Variants in NELL1 observed in about 807,000 individuals in gnomAD.
The protein encoded by NELL1 is protein kinase C-binding protein NELL1.
Under a neutral mutation model 107.4 loss-of-function variants are expected in NELL1, and 76 were observed. That is an observed-to-expected ratio of 0.71 (90% confidence interval 0.59 to 0.86). The LOEUF is 0.86. NELL1 is among the 40% of genes least tolerant of loss of function. The pLI is 0.00. For synonymous variants in NELL1, 353 were observed against 341.2 expected, an observed-to-expected ratio of 1.03 and a Z score of -0.38; for missense variants, 1,024 against 1,005.5, an observed-to-expected ratio of 1.02 and a Z score of -0.25.
chr11:20,925,801 C>A (rs942891193), intron 7 of NELL1, among the ~76,000 whole-genome samples: 3 of 151,990 alleles, frequency 2.0e-5, no homozygotes, highest in Non-Finnish European at 2.9e-5. Context: ...TGAGAAATTC[C>A]AAAAGCTTGG....
chr11:21,490,392 C>A (rs1854769931), intron 15 of NELL1, among the ~76,000 whole-genome samples: 2 of 149,420 alleles, frequency 1.3e-5, no homozygotes, highest in Non-Finnish European at 3.0e-5. Flanking sequence ...CAATTCAATC[C>A]CTATCGAAAT....
chr11:20,866,225 T>G (rs1849093620), intron 4 of NELL1, among the ~76,000 whole-genome samples: 1 of 152,172 alleles, frequency 6.6e-6, no homozygotes, highest in African/African-American at 2.4e-5. Flanking sequence ...CAGATGGGAC[T>G]CTGCATCCTC....
intron 9 of NELL1, 30 bp from the exon 10 acceptor site, chr11:20,937,756 T>C (rs373855331): frequency 5.1e-6 from 8 of 1,573,072 alleles, no homozygotes; most frequent in Non-Finnish European, 6.1e-6. Context: ...ACAGCAGGAC[T>C]GTCTGACCCA....
At chr11:20,751,041 T>G (rs190312383) in intron 2 of NELL1, among the ~76,000 whole-genome samples, 5,132 of 150,226 alleles carry the variant, frequency 0.034, 284 homozygotes, top group African/African-American at 0.12. Context: ...GTGTGTGTGT[T>G]TGTGTGTGTG....
chr11:21,472,008 A>G (rs1013742059), intron 15 of NELL1, among the ~76,000 whole-genome samples: 8 of 152,072 alleles, frequency 5.3e-5, no homozygotes, highest in African/African-American at 1.9e-4. Flanking sequence ...TCTGAAGATC[A>G]TGAAGTTCAA....
At chr11:20,888,425 T>C (rs1025595052) in intron 5 of NELL1, among the ~76,000 whole-genome samples, 2 of 150,690 alleles carry the variant, frequency 1.3e-5, no homozygotes, top group Admixed American at 6.6e-5. Context: ...TAGATATGTA[T>C]ATTATTATAA....
intron 15 of NELL1, among the ~76,000 whole-genome samples, chr11:21,451,528 G>A (rs1229758861): frequency 6.6e-6 from 1 of 152,122 alleles, no homozygotes; most frequent in African/African-American, 2.4e-5. Flanking sequence ...TTCTTCTGAG[G>A]CTGCATTCAA....
intron 2 of NELL1, among the ~76,000 whole-genome samples, chr11:20,774,513 A>T (rs1040557653): frequency 2.1e-5 from 3 of 146,128 alleles, no homozygotes; most frequent in Admixed American, 7.3e-5. Flanking sequence ...TTACAGGCAT[A>T]TGCTACCATG....
chr11:21,123,334 CGTGTGTGTGT>C (rs142012176), intron 13 of NELL1, among the ~76,000 whole-genome samples: 37 of 132,482 alleles, frequency 2.8e-4, no homozygotes, highest in African/African-American at 4.8e-4. Flanking sequence ...TGTGTGCCTG[CGTGTGTGTGT>C]GTGTGTGTGT....
At chr11:21,332,601 A>C (rs1301358747) in intron 14 of NELL1, among the ~76,000 whole-genome samples, 6 of 151,986 alleles carry the variant, frequency 3.9e-5, no homozygotes, top group African/African-American at 9.7e-5. Flanking sequence ...CTAAATCTTC[A>C]TGGGAAGAAG....
At chr11:21,570,655 A>C in intron 17 of NELL1, 109 bp from the exon 18 acceptor site, 1 of 923,616 alleles carries the variant, frequency 1.1e-6, no homozygotes, top group Non-Finnish European at 1.6e-6. Flanking sequence ...TTTGAACAGA[A>C]TGAGAGGTGG....
At chr11:21,114,506 A>G (rs1855185647) in intron 13 of NELL1, among the ~76,000 whole-genome samples, 1 of 152,028 alleles carries the variant, frequency 6.6e-6, no homozygotes, top group African/African-American at 2.4e-5. Context: ...ACGTTGGTAT[A>G]TAAAAAGTGG....
intron 2 of NELL1, among the ~76,000 whole-genome samples, chr11:20,687,164 G>A (rs1854327236): frequency 6.6e-6 from 1 of 150,968 alleles, no homozygotes; most frequent in Admixed American, 6.6e-5. Context: ...CTAAAAGAAG[G>A]CCTCTCGTAA....
intron 13 of NELL1, among the ~76,000 whole-genome samples, chr11:21,170,686 AG>A (rs61261269): frequency 0.36 from 52,219 of 144,762 alleles, 9,621 homozygotes; most frequent in Middle Eastern, 0.41. Flanking sequence ...TATATACTGT[AG>A]TTTATATATA....
At chr11:21,048,059 C>T (rs1853400055) in intron 12 of NELL1, among the ~76,000 whole-genome samples, 1 of 152,128 alleles carries the variant, frequency 6.6e-6, no homozygotes, top group Non-Finnish European at 1.5e-5. Flanking sequence ...TTGGGTACTA[C>T]TTTCTGTGTT....
At chr11:20,963,789 A>G (rs1851336454) in intron 12 of NELL1, among the ~76,000 whole-genome samples, 1 of 152,214 alleles carries the variant, frequency 6.6e-6, no homozygotes, top group South Asian at 2.1e-4. Context: ...CTCATACGAT[A>G]AAAACCACAG....
chr11:21,081,384 CT>C (rs967412113), intron 12 of NELL1, among the ~76,000 whole-genome samples: 56 of 152,110 alleles, frequency 3.7e-4, no homozygotes, highest in African/African-American at 1.0e-3. Context: ...TTCTCTTTTC[CT>C]TTTTTTCCCC....
At chr11:21,275,940 T>A (rs1416825785) in intron 14 of NELL1, among the ~76,000 whole-genome samples, 14 of 152,112 alleles carry the variant, frequency 9.2e-5, no homozygotes, top group South Asian at 2.1e-4. Flanking sequence ...CCACAGCCAA[T>A]ATCATACTGA....
chr11:21,349,109 G>A (rs1180449753), intron 14 of NELL1, among the ~76,000 whole-genome samples: 2 of 152,068 alleles, frequency 1.3e-5, no homozygotes, highest in Non-Finnish European at 2.9e-5. Flanking sequence ...GAATCACAGA[G>A]GATGATTCTG....
Sources: gnomAD v4.1 joint callset for allele counts (sites outside exome capture counted in the v4.1 genomes callset) on GRCh38, gnomAD v4.1.1 for gene constraint, MANE v1.5 for transcripts, NCBI Gene and HGNC (gene_info 2026-07-23, HGNC 2026-07-21) for gene names.